Variants in ENTREP2 observed in about 807,000 individuals in gnomAD.
The protein encoded by ENTREP2 is protein ENTREP2.
the ENTREP2 span, among the ~76,000 whole-genome samples, chr15:29,353,590 T>C: frequency 6.6e-6 from 1 of 152,164 alleles, no homozygotes; most frequent in Non-Finnish European, 1.5e-5. Flanking sequence ...TGCAATATGC[T>C]CCCAAGACAC....
chr15:29,258,524 C>T, the ENTREP2 span, among the ~76,000 whole-genome samples: 21 of 151,936 alleles, frequency 1.4e-4, no homozygotes, highest in Admixed American at 1.4e-3. Flanking sequence ...GTAAAATATC[C>T]ATAATAAAAA....
chr15:29,362,367 CTTTTTTTTT>C, the ENTREP2 span, among the ~76,000 whole-genome samples: 3 of 91,498 alleles, frequency 3.3e-5, no homozygotes, highest in African/African-American at 9.3e-5. Flanking sequence ...TGTTTTTAAT[CTTTTTTTTT>C]TTTTTTTTTT....
the ENTREP2 span, among the ~76,000 whole-genome samples, chr15:29,127,503 G>T: frequency 2.6e-5 from 4 of 152,118 alleles, no homozygotes; most frequent in African/African-American, 9.7e-5. Context: ...CTTCCTGTCC[G>T]TCTGTGAGGC....
chr15:29,218,637 A>G, the ENTREP2 span, among the ~76,000 whole-genome samples: 8 of 152,216 alleles, frequency 5.3e-5, no homozygotes, highest in Admixed American at 4.6e-4. Flanking sequence ...AATGGAATAG[A>G]ATAGAGAACC....
chr15:29,304,417 A>G, the ENTREP2 span, among the ~76,000 whole-genome samples: 1 of 152,204 alleles, frequency 6.6e-6, no homozygotes, highest in African/African-American at 2.4e-5. Flanking sequence ...ACAAATGCAA[A>G]AAAACTGAAA....
chr15:29,260,404 AAAGAAAACTGG>A, the ENTREP2 span, among the ~76,000 whole-genome samples: 1 of 152,244 alleles, frequency 6.6e-6, no homozygotes, highest in African/African-American at 2.4e-5. Flanking sequence ...TCAGTAACAG[AAAGAAAACTGG>A]AAGGAAACAA....
chr15:29,603,795 C>T, the ENTREP2 span, among the ~76,000 whole-genome samples: 4 of 152,100 alleles, frequency 2.6e-5, 1 homozygote, highest in South Asian at 4.1e-4. Flanking sequence ...AGCACCACCA[C>T]GCCTGGCTAA....
At chr15:29,652,591 T>C in the ENTREP2 span, among the ~76,000 whole-genome samples, 1 of 152,226 alleles carries the variant, frequency 6.6e-6, no homozygotes, top group African/African-American at 2.4e-5. Context: ...TGACTCCCTC[T>C]TTGAGGCCCT....
chr15:29,221,862 G>C, the ENTREP2 span, among the ~76,000 whole-genome samples: 1 of 152,166 alleles, frequency 6.6e-6, no homozygotes, highest in African/African-American at 2.4e-5. Flanking sequence ...CGCAGCAGCA[G>C]TGCTTGGAAT....
At chr15:29,439,634 T>C in the ENTREP2 span, among the ~76,000 whole-genome samples, 1 of 152,218 alleles carries the variant, frequency 6.6e-6, no homozygotes, top group African/African-American at 2.4e-5. Context: ...ACATCAGTGC[T>C]TGAAATTTTA....
chr15:29,434,543 TTACAGAA>T, the ENTREP2 span, among the ~76,000 whole-genome samples: 40 of 152,178 alleles, frequency 2.6e-4, no homozygotes, highest in East Asian at 3.7e-3. Flanking sequence ...GTGCTGCAAA[TTACAGAA>T]TACCCAGATC....
chr15:29,655,644 A>G, the ENTREP2 span, among the ~76,000 whole-genome samples: 1 of 152,222 alleles, frequency 6.6e-6, no homozygotes, highest in Non-Finnish European at 1.5e-5. Context: ...AAAAATTCAC[A>G]ACATACATGA....
At chr15:29,165,368 A>G in the ENTREP2 span, among the ~76,000 whole-genome samples, 1 of 152,162 alleles carries the variant, frequency 6.6e-6, no homozygotes, top group East Asian at 1.9e-4. Flanking sequence ...AAACAAAAAT[A>G]CAAAAGATAA....
chr15:29,606,282 T>C, the ENTREP2 span, among the ~76,000 whole-genome samples: 1 of 151,178 alleles, frequency 6.6e-6, no homozygotes. Flanking sequence ...TCACCCAGAC[T>C]GGAGTGCAGT....
the ENTREP2 span, among the ~76,000 whole-genome samples, chr15:29,209,105 A>G: frequency 1.3e-5 from 2 of 152,154 alleles, no homozygotes; most frequent in East Asian, 3.8e-4. Context: ...TGTTGGTTCC[A>G]TGGGTTTGTT....
the ENTREP2 span, among the ~76,000 whole-genome samples, chr15:29,570,963 G>C: frequency 2.8e-5 from 4 of 144,882 alleles, no homozygotes; most frequent in African/African-American, 9.9e-5. Flanking sequence ...CCCGCCGGCC[G>C]CGCCGCGCTG....
chr15:29,644,493 T>C, the ENTREP2 span, among the ~76,000 whole-genome samples: 1 of 152,188 alleles, frequency 6.6e-6, no homozygotes, highest in Non-Finnish European at 1.5e-5. Flanking sequence ...GGGTTCTGCC[T>C]GAATTCATCA....
the ENTREP2 span, among the ~76,000 whole-genome samples, chr15:29,671,019 C>T: frequency 2.0e-4 from 30 of 152,306 alleles, no homozygotes; most frequent in East Asian, 2.5e-3. Context: ...CCCCACTCCC[C>T]GCAAACCTCC....
At chr15:29,472,489 G>T in the ENTREP2 span, among the ~76,000 whole-genome samples, 3 of 146,918 alleles carry the variant, frequency 2.0e-5, no homozygotes, top group Admixed American at 6.9e-5. Context: ...ATTTGAGACG[G>T]AGTCTCGCTC....
Sources: allele counts gnomAD v4.1 joint callset (sites outside exome capture counted in the v4.1 genomes callset), GRCh38; gene constraint gnomAD v4.1.1; transcripts MANE v1.5; gene names NCBI Gene and HGNC (gene_info 2026-07-23, HGNC 2026-07-21).